DHRSX: variants seen among roughly 807,000 people sequenced by gnomAD.
The protein encoded by DHRSX is polyprenol dehydrogenase.
A neutral mutation model predicts 34.0 loss-of-function variants in DHRSX; 31 were observed. That is an observed-to-expected ratio of 0.91 (90% CI 0.69 to 1.23). The LOEUF (loss-of-function observed/expected upper bound fraction) is 1.23, where lower values mean the gene tolerates loss of function less well. Ranked by LOEUF, DHRSX falls within the 50% of genes most tolerant of loss-of-function variation. The probability of loss-of-function intolerance (pLI) is 0.00; values close to 1 mark genes in which losing one functional copy is unlikely to be tolerated. For synonymous variants in DHRSX, 201 were observed against 183.8 expected, an observed-to-expected ratio of 1.09 and a Z score of -0.76; for missense variants, 414 against 428.1, an observed-to-expected ratio of 0.97 and a Z score of 0.29.
chrX:2,495,714 T>C (rs2045267396), intron 1 of DHRSX, among the ~76,000 whole-genome samples: 1 of 151,922 alleles, frequency 6.6e-6, no homozygotes, highest in Non-Finnish European at 1.5e-5. Flanking sequence ...TAAAGGTTGC[T>C]GTAAACCAGC....
At chrX:2,378,758 C>T (rs113944853) in intron 3 of DHRSX, among the ~76,000 whole-genome samples, 2 of 151,934 alleles carry the variant, frequency 1.3e-5, no homozygotes, top group South Asian at 2.1e-4. Context: ...GCAACCTCCA[C>T]CTCCCAGGTT....
intron 3 of DHRSX, among the ~76,000 whole-genome samples, chrX:2,346,800 G>GTCCCCTAC (rs1569491971): frequency 6.6e-6 from 1 of 151,498 alleles, no homozygotes; most frequent in African/African-American, 2.4e-5. Flanking sequence ...CCCTCCCCCA[G>GTCCCCTAC]TCCCCTACTC....
chrX:2,403,612 T>G (rs190521746), intron 3 of DHRSX, among the ~76,000 whole-genome samples: 12 of 152,204 alleles, frequency 7.9e-5, no homozygotes, highest in African/African-American at 2.9e-4. Context: ...TCCCAGCAAT[T>G]TGGGAGGCTG....
intron 1 of DHRSX, among the ~76,000 whole-genome samples, chrX:2,431,742 C>T (rs1198049946): frequency 6.6e-6 from 1 of 152,100 alleles, no homozygotes; most frequent in Non-Finnish European, 1.5e-5. Flanking sequence ...ACAATAAACA[C>T]TGAGCAATTC....
Position 2,375,268 on chromosome X carries a change from C to T in DHRSX, c.286+33477G>A, listed in dbSNP as rs768231747. Among the ~76,000 whole-genome samples, 214 of 137,970 alleles carry T rather than the reference C, an allele frequency of 1.6e-3. 14 individuals are homozygous for T. Among genetic ancestry groups the T allele is most frequent in the African/African-American group, 4.6e-3 (186 of 40,706 alleles). The allele number at this position is 137,970 out of a possible 152,430, so 90.5% of individuals were successfully genotyped here. A position where few individuals can be genotyped will look rare whatever the true frequency, so the allele number is the denominator to read the frequency against. ...AGCAGGTGCGTTCTCAAATCTCCAG[C>T]GGGTAATTAGTGCACATCACACAAT... On this transcript the variant is annotated intron_variant, in intron 3 of 6. Transcript: ENST00000334651.
At chrX:2,391,019 G>T (rs1309484614) in intron 3 of DHRSX, among the ~76,000 whole-genome samples, 1 of 151,890 alleles carries the variant, frequency 6.6e-6, no homozygotes, top group Non-Finnish European at 1.5e-5. Context: ...ATATTCCACC[G>T]TTTGGATATA....
intron 6 of DHRSX, among the ~76,000 whole-genome samples, chrX:2,230,890 C>T (rs977306448): frequency 5.9e-5 from 9 of 152,100 alleles, no homozygotes; most frequent in Non-Finnish European, 1.0e-4. Context: ...ATGCATAGAT[C>T]CTATTGGTCC....
At chrX:2,330,099 A>C (rs1453866054) in intron 3 of DHRSX, among the ~76,000 whole-genome samples, 4 of 14,112 alleles carry the variant, frequency 2.8e-4, no homozygotes, top group East Asian at 4.0e-3. Context: ...GGGGGGAGGG[A>C]GGGAGAGAGA....
intron 3 of DHRSX, among the ~76,000 whole-genome samples, chrX:2,374,033 C>A (rs1324177572): frequency 6.6e-6 from 1 of 152,188 alleles, no homozygotes; most frequent in Non-Finnish European, 1.5e-5. Flanking sequence ...CAAAAAAAGA[C>A]CTCTGCACCT....
chrX:2,246,624 AAAAG>A (rs1193153737), intron 5 of DHRSX, among the ~76,000 whole-genome samples: 31 of 151,542 alleles, frequency 2.0e-4, no homozygotes, highest in Non-Finnish European at 3.8e-4. Context: ...GTCTGTCAAA[AAAAG>A]AAAGAAAGAA....
At chrX:2,234,036 G>GCCACTGCCTGATTCTT (rs1336607650) in intron 6 of DHRSX, among the ~76,000 whole-genome samples, 1 of 152,228 alleles carries the variant, frequency 6.6e-6, no homozygotes, top group Non-Finnish European at 1.5e-5. Flanking sequence ...GCAGGAAATA[G>GCCACTGCCTGATTCTT]CCACTGCCTG....
intron 3 of DHRSX, among the ~76,000 whole-genome samples, chrX:2,344,925 T>C (rs1227417977): frequency 7.0e-6 from 1 of 142,278 alleles, no homozygotes; most frequent in Non-Finnish European, 1.5e-5. Context: ...ACTGTATTTA[T>C]TTAATAAAAT....
At chrX:2,246,957 G>T (rs2016312463) in intron 5 of DHRSX, among the ~76,000 whole-genome samples, 1 of 152,050 alleles carries the variant, frequency 6.6e-6, no homozygotes, top group Non-Finnish European at 1.5e-5. Context: ...GGTTTTTGTT[G>T]TTGTTGTTTG....
intron 3 of DHRSX, among the ~76,000 whole-genome samples, chrX:2,346,403 C>T (rs1315255113): frequency 1.3e-5 from 2 of 152,104 alleles, no homozygotes; most frequent in Non-Finnish European, 2.9e-5. Flanking sequence ...CAGGCTGGCA[C>T]CATTTCTCTG....
chrX:2,462,490 G>A (rs1288463729), intron 1 of DHRSX, among the ~76,000 whole-genome samples: 3 of 151,772 alleles, frequency 2.0e-5, no homozygotes, highest in Non-Finnish European at 4.4e-5. Context: ...AGCCAAGATC[G>A]TGCCACTGTA....
intron 5 of DHRSX, among the ~76,000 whole-genome samples, chrX:2,250,856 T>G (rs2016419495): frequency 6.6e-6 from 1 of 151,990 alleles, no homozygotes; most frequent in South Asian, 2.1e-4. Context: ...TCTGAAAAAT[T>G]TAGGGGATTG....
intron 3 of DHRSX, among the ~76,000 whole-genome samples, chrX:2,304,590 A>G (rs1283943310): frequency 6.6e-6 from 1 of 151,836 alleles, no homozygotes. Context: ...AGTGTGTAGC[A>G]TCTCCCCAGC....
chrX:2,311,751 T>C (rs894649341), intron 3 of DHRSX, among the ~76,000 whole-genome samples: 4 of 152,110 alleles, frequency 2.6e-5, no homozygotes, highest in Admixed American at 6.6e-5. Flanking sequence ...TGGGAATGCG[T>C]TGAAACCATT....
chrX:2,316,554 A>C (rs2042243548), intron 3 of DHRSX, among the ~76,000 whole-genome samples: 1 of 152,102 alleles, frequency 6.6e-6, no homozygotes, highest in Admixed American at 6.6e-5. Flanking sequence ...TCTGCCTCAA[A>C]AACAACAACA....
Sources: gnomAD v4.1 joint callset for allele counts (sites outside exome capture counted in the v4.1 genomes callset) on GRCh38, gnomAD v4.1.1 for gene constraint, MANE v1.5 for transcripts, NCBI Gene and HGNC (gene_info 2026-07-23, HGNC 2026-07-21) for gene names.